The following CROT variants were observed in gnomAD, a reference collection of about 807,000 sequenced individuals.
CROT encodes peroxisomal carnitine O-octanoyltransferase.
Under a neutral mutation model 89.2 loss-of-function variants are expected in CROT, and 84 were observed. That is an observed-to-expected ratio of 0.94 (90% CI 0.79 to 1.13). The LOEUF is 1.13. Among genes scored for constraint, CROT ranks in the 50% most tolerant of loss-of-function variants. The pLI is 0.00. For missense variants in CROT, 711 were observed against 727.8 expected, an observed-to-expected ratio of 0.98 and a Z score of 0.27; for synonymous variants, 212 against 239.5, an observed-to-expected ratio of 0.89 and a Z score of 1.06.
rs548119254 is a variant in CROT, at chr7:87,375,497, A to T, written c.657-135A>T. The T allele has an allele frequency of 4.3e-5, 25 of 585,998 alleles. No homozygotes were observed. The South Asian group carries it at 5.6e-4, about 13-fold the overall frequency. The allele number at this position is 585,998 out of a possible 1,614,324, so 36.3% of individuals were successfully genotyped here. A position where few individuals can be genotyped will look rare whatever the true frequency, so the allele number is the denominator to read the frequency against. On this transcript the variant is annotated intron_variant, in intron 7 of 17. Coordinates refer to ENST00000331536, the MANE Select transcript of CROT (RefSeq NM_021151.4). ...AAAAAATATGTGATGTAGGAAATCTATTGGCATCATAAGTGGTTTCTTTGG... is the reference window on the plus strand; with the variant it reads ...AAAAAATATGTGATGTAGGAAATCTTTTGGCATCATAAGTGGTTTCTTTGG...
chr7:87,381,308 T>A (rs562738293), intron 10 of CROT, among the ~76,000 whole-genome samples: 2 of 152,270 alleles, frequency 1.3e-5, no homozygotes, highest in Admixed American at 1.3e-4. Context: ...ATTCACTAAC[T>A]GCAATTTCTT....
intron 7 of CROT, among the ~76,000 whole-genome samples, chr7:87,374,468 A>G (rs1806741622): frequency 6.6e-6 from 1 of 152,054 alleles, no homozygotes; most frequent in Non-Finnish European, 1.5e-5. Context: ...AGGTAGCAAC[A>G]AGTACCATAT....
chr7:87,353,371 A>G (rs903222024), intron 3 of CROT, among the ~76,000 whole-genome samples: 1 of 151,400 alleles, frequency 6.6e-6, no homozygotes, highest in East Asian at 1.9e-4. Flanking sequence ...CTAGTCTCAA[A>G]CTCCTGACCT....
intron 3 of CROT, among the ~76,000 whole-genome samples, chr7:87,355,182 C>T (rs1806021641): frequency 6.6e-6 from 1 of 151,846 alleles, no homozygotes; most frequent in South Asian, 2.1e-4. Context: ...TCATTGCAGC[C>T]TTGACAGCCC....
intron 3 of CROT, among the ~76,000 whole-genome samples, chr7:87,350,738 T>G (rs1416736584): frequency 6.6e-6 from 1 of 152,106 alleles, no homozygotes; most frequent in Non-Finnish European, 1.5e-5. Context: ...TTTGATTAGT[T>G]AAGACCAGGG....
chr7:87,375,792 G>C (rs1243510457), intron 8 of CROT, 36 bp from the exon 9 acceptor site: 1 of 1,612,732 alleles, frequency 6.2e-7, no homozygotes, highest in Non-Finnish European at 8.5e-7. Flanking sequence ...TTGTATTTCA[G>C]TTGTAATATT....
chr7:87,358,305 G>A (rs1368535102), intron 3 of CROT, among the ~76,000 whole-genome samples: 10 of 150,254 alleles, frequency 6.7e-5, no homozygotes, highest in African/African-American at 9.8e-5. Context: ...GTGAAACCCC[G>A]TCTCTACTAA....
Position 87,398,986 on chromosome 7 carries a change from G to T in CROT, c.*342G>T. 1 of 223,424 alleles carries T rather than the reference G, an allele frequency of 4.5e-6. No homozygotes were observed. Among genetic ancestry groups the T allele is most frequent in the Non-Finnish European group, 8.8e-6 (1 of 113,484 alleles). The allele number at this position is 223,424 out of a possible 1,614,324, so 13.8% of individuals were successfully genotyped here. ...AAGTATTTTTGTTGGTACTTACATG[G>T]GTTATAAATCCTCTCTCTGGACATC... On this transcript the variant is annotated 3_prime_UTR_variant, in exon 18 of 18. Coordinates refer to ENST00000331536, the MANE Select transcript of CROT (RefSeq NM_021151.4).
chr7:87,385,351 G>A lies in CROT; in HGVS notation c.1301+2808G>A, dbSNP rs1194566940. 4.6e-5 allele frequency among the ~76,000 whole-genome samples: 7 copies of A among 151,624 alleles called. No individual in the cohort carries two copies. In the East Asian group the frequency reaches 1.2e-3, roughly 25 times the overall value. ...ACATAGGTTGTCTTTCCATTTTTTGGTGTTCTCTCACTTTCATCAGTGTCT... is the reference window on the plus strand; with the variant it reads ...ACATAGGTTGTCTTTCCATTTTTTGATGTTCTCTCACTTTCATCAGTGTCT... On this transcript the variant is annotated intron_variant, in intron 13 of 17. Coordinates refer to ENST00000331536, the MANE Select transcript of CROT (RefSeq NM_021151.4).
intron 2 of CROT, among the ~76,000 whole-genome samples, chr7:87,348,621 T>A (rs143585295): frequency 6.6e-6 from 1 of 152,376 alleles, no homozygotes; most frequent in African/African-American, 2.4e-5. Flanking sequence ...GATTGTAGTC[T>A]TAACAGATCT....
At chr7:87,368,169 CT>C (rs1261093878) in intron 6 of CROT, among the ~76,000 whole-genome samples, 1 of 152,198 alleles carries the variant, frequency 6.6e-6, no homozygotes, top group Non-Finnish European at 1.5e-5. Context: ...GCTGTTTCCT[CT>C]GCCTGAAACA....
chr7:87,380,130 A>G (rs1477863381), intron 10 of CROT, among the ~76,000 whole-genome samples: 2 of 148,328 alleles, frequency 1.3e-5, no homozygotes, highest in South Asian at 2.2e-4. Flanking sequence ...AATAAGAAGA[A>G]AAATAAGCAT....
chr7:87,348,427 T>A (rs1805762271), intron 2 of CROT, among the ~76,000 whole-genome samples: 1 of 152,204 alleles, frequency 6.6e-6, no homozygotes, highest in African/African-American at 2.4e-5. Context: ...ATTTATGTAT[T>A]CTATAATAAT....
chr7:87,353,709 AAG>A (rs1403986488), intron 3 of CROT, among the ~76,000 whole-genome samples: 1 of 152,200 alleles, frequency 6.6e-6, no homozygotes, highest in African/African-American at 2.4e-5. Flanking sequence ...AAGAGCAAGA[AAG>A]AGAGAGTGAC....
At chr7:87,376,430 G>A (rs986644840) in intron 9 of CROT, among the ~76,000 whole-genome samples, 34 of 152,014 alleles carry the variant, frequency 2.2e-4, no homozygotes, top group African/African-American at 7.5e-4. Context: ...TGTCAGTGAC[G>A]TTAAGGGTAA....
chr7:87,382,790 G>A (rs1010362078), intron 13 of CROT, among the ~76,000 whole-genome samples: 7 of 152,122 alleles, frequency 4.6e-5, no homozygotes, highest in Admixed American at 2.6e-4. Context: ...ATCTGAAAGA[G>A]GATTGGTCAT....
At chr7:87,396,096 C>T (rs941790489) in intron 17 of CROT, among the ~76,000 whole-genome samples, 4 of 152,002 alleles carry the variant, frequency 2.6e-5, no homozygotes, top group African/African-American at 4.8e-5. Context: ...AAGAGATTGT[C>T]GATATGGCAA....
intron 17 of CROT, among the ~76,000 whole-genome samples, chr7:87,396,532 A>G (rs1332484655): frequency 2.0e-5 from 3 of 152,194 alleles, no homozygotes; most frequent in Non-Finnish European, 4.4e-5. Flanking sequence ...TTGGTACAGT[A>G]TAGAAACATT....
intron 14 of CROT, among the ~76,000 whole-genome samples, chr7:87,392,300 T>C (rs1452207706): frequency 6.6e-6 from 1 of 152,194 alleles, no homozygotes; most frequent in African/African-American, 2.4e-5. Context: ...TCGGTTGCTT[T>C]TATCTTTATA....
Sources: allele counts gnomAD v4.1 joint callset (sites outside exome capture counted in the v4.1 genomes callset), GRCh38; gene constraint gnomAD v4.1.1; transcripts MANE v1.5; gene names NCBI Gene and HGNC (gene_info 2026-07-23, HGNC 2026-07-21).